The following OPCML variants were observed in gnomAD, a reference collection of about 807,000 sequenced individuals.
OPCML encodes the protein opioid binding protein/cell adhesion molecule like, also known as opioid-binding protein/cell adhesion molecule.
OPCML carries 13 observed loss-of-function variants against 37.8 expected under a neutral mutation model. The observed-to-expected ratio is 0.34, with a 90% CI of 0.22 to 0.55. The LOEUF (loss-of-function observed/expected upper bound fraction) is 0.55, where lower values mean the gene tolerates loss of function less well. Among genes scored for constraint, OPCML ranks in the 20% least tolerant of loss-of-function variants. OPCML has a pLI of 0.91. For missense variants in OPCML, 341 were observed against 435.6 expected, an observed-to-expected ratio of 0.78 and a Z score of 1.93; for synonymous variants, 176 against 168.8, an observed-to-expected ratio of 1.04 and a Z score of -0.33.
intron 1 of OPCML, among the ~76,000 whole-genome samples, chr11:132,964,898 T>A (rs555954889): frequency 1.3e-5 from 2 of 152,300 alleles, no homozygotes; most frequent in South Asian, 4.1e-4. Flanking sequence ...CCCAGAGCCA[T>A]CAAGCAGAGA....
At chr11:132,613,811 G>A (rs1938816247) in intron 3 of OPCML, among the ~76,000 whole-genome samples, 1 of 152,096 alleles carries the variant, frequency 6.6e-6, no homozygotes, top group Admixed American at 6.5e-5. Flanking sequence ...AATTATGGTT[G>A]CTGGTGAAAT....
chr11:133,012,842 C>T (rs1215157243), intron 1 of OPCML, among the ~76,000 whole-genome samples: 1 of 149,832 alleles, frequency 6.7e-6, no homozygotes, highest in Non-Finnish European at 1.5e-5. Flanking sequence ...TGCACTCCAG[C>T]CTAGGCAACA....
chr11:132,640,833 G>A lies in OPCML; in HGVS notation c.379+16254C>T, dbSNP rs542109066. On this transcript the variant is annotated intron_variant, in intron 3 of 7. Coordinates refer to ENST00000524381, the MANE Select transcript of OPCML (RefSeq NM_001012393.5). ...TGAACCAAGCAGGCAGAAGTAGGGC[G>A]CTGCAGGGTGCACTAAAGGGCAGGG... Among the ~76,000 whole-genome samples, 87 of 152,266 alleles carry A rather than the reference G, an allele frequency of 5.7e-4. No homozygotes were observed. In the South Asian group the frequency reaches 0.016, roughly 28 times the overall value.
intron 1 of OPCML, chr11:133,299,894 C>G (rs1245243031): frequency 6.6e-6 from 1 of 152,144 alleles, no homozygotes; most frequent in Non-Finnish European, 1.5e-5. Flanking sequence ...AACATCAGCA[C>G]CATCATTAAA....
chr11:132,721,527 T>A (rs1944669924), intron 2 of OPCML, among the ~76,000 whole-genome samples: 2 of 152,180 alleles, frequency 1.3e-5, no homozygotes, highest in Non-Finnish European at 2.9e-5. Flanking sequence ...TGTGAAGGGC[T>A]GCAAACTCAT....
chr11:133,429,670 T>C (rs1229677885), intron 1 of OPCML, among the ~76,000 whole-genome samples: 1 of 151,972 alleles, frequency 6.6e-6, no homozygotes, highest in Non-Finnish European at 1.5e-5. Flanking sequence ...GAAAGTGAGG[T>C]ATGAGAAAAA....
intron 1 of OPCML, among the ~76,000 whole-genome samples, chr11:133,428,740 T>A (rs1946058338): frequency 1.3e-5 from 2 of 152,166 alleles, no homozygotes; most frequent in South Asian, 4.1e-4. Flanking sequence ...GAGTGAATGA[T>A]ATAAAGATAT....
intron 3 of OPCML, among the ~76,000 whole-genome samples, chr11:132,624,042 G>A (rs1939589808): frequency 6.6e-6 from 1 of 152,224 alleles, no homozygotes; most frequent in African/African-American, 2.4e-5. Flanking sequence ...ACTGCTAAGT[G>A]TATCTGCAAC....
chr11:132,924,055 G>A (rs1478302349), intron 2 of OPCML, among the ~76,000 whole-genome samples: 1 of 151,798 alleles, frequency 6.6e-6, no homozygotes, highest in Non-Finnish European at 1.5e-5. Context: ...GAGCCACTGC[G>A]CCCAGCCCCT....
intron 1 of OPCML, among the ~76,000 whole-genome samples, chr11:133,385,124 A>G (rs1355615854): frequency 1.3e-5 from 2 of 152,174 alleles, no homozygotes; most frequent in African/African-American, 4.8e-5. Context: ...CAGTGATGCC[A>G]CACTCTATCC....
chr11:133,379,648 G>A lies in OPCML; in HGVS notation c.61+152616C>T, dbSNP rs577138859. On this transcript the variant is annotated intron_variant, in intron 1 of 7. Transcript: ENST00000524381. The stretch of plus-strand genomic sequence containing the variant: ...GCATTTCTTGAAAAGGCTCTGTGCC[G>A]TTTCTCTAAAGTTAGGCTAAGTTCA... Among the ~76,000 whole-genome samples, 24 of 152,242 alleles carry A rather than the reference G, an allele frequency of 1.6e-4. No homozygotes were observed. The South Asian group carries it at 3.5e-3, about 22-fold the overall frequency.
At chr11:132,779,677 A>G (rs1591598798) in intron 2 of OPCML, among the ~76,000 whole-genome samples, 1 of 152,176 alleles carries the variant, frequency 6.6e-6, no homozygotes, top group South Asian at 2.1e-4. Flanking sequence ...TTTCAGCCTG[A>G]ATGTGTGGCC....
intron 1 of OPCML, chr11:133,366,055 C>T (rs571693442): frequency 1.3e-5 from 2 of 152,346 alleles, no homozygotes; most frequent in South Asian, 4.1e-4. Context: ...TTCCACACCC[C>T]ACGTTTTCTC....
At chr11:133,398,921 T>C (rs1945343500) in intron 1 of OPCML, among the ~76,000 whole-genome samples, 8 of 152,182 alleles carry the variant, frequency 5.3e-5, no homozygotes, top group Admixed American at 2.0e-4. Context: ...CCAAAGAACA[T>C]AGATTTACAT....
At chr11:133,075,045 C>T (rs769305698) in intron 1 of OPCML, among the ~76,000 whole-genome samples, 1 of 152,288 alleles carries the variant, frequency 6.6e-6, no homozygotes, top group East Asian at 1.9e-4. Context: ...GGAAAGTGTG[C>T]GTGCAGTGGA....
intron 1 of OPCML, among the ~76,000 whole-genome samples, chr11:133,259,664 C>T (rs918756982): frequency 2.6e-5 from 4 of 152,002 alleles, no homozygotes; most frequent in East Asian, 3.9e-4. Context: ...ATAGTAAAAA[C>T]GAAATTATAC....
intron 1 of OPCML, among the ~76,000 whole-genome samples, chr11:133,292,301 G>A (rs1942500670): frequency 6.6e-6 from 1 of 152,104 alleles, no homozygotes; most frequent in African/African-American, 2.4e-5. Context: ...CGATAGAGAT[G>A]CAATATTGCT....
chr11:132,977,932 G>A (rs1275822295), intron 1 of OPCML, among the ~76,000 whole-genome samples: 1 of 152,166 alleles, frequency 6.6e-6, no homozygotes, highest in South Asian at 2.1e-4. Context: ...CATCAGGATT[G>A]GATACAGAAT....
At chr11:132,965,508 C>CGTT (rs773318879) in intron 1 of OPCML, among the ~76,000 whole-genome samples, 26 of 151,916 alleles carry the variant, frequency 1.7e-4, no homozygotes, top group African/African-American at 5.3e-4. Flanking sequence ...ATATTTTTGT[C>CGTT]GTTGTTGTTG....
Sources: allele counts gnomAD v4.1 joint callset (sites outside exome capture counted in the v4.1 genomes callset), GRCh38; gene constraint gnomAD v4.1.1; transcripts MANE v1.5; gene names NCBI Gene and HGNC (gene_info 2026-07-23, HGNC 2026-07-21).